Variants in AFF4 observed in about 807,000 individuals in gnomAD.
AFF4 encodes ALF transcription elongation factor 4.
AFF4 carries 13 observed loss-of-function variants against 124.8 expected under a neutral mutation model. The observed-to-expected ratio is 0.10, with a 90% CI of 0.07 to 0.17. The LOEUF is 0.17. AFF4 is among the 10% of genes least tolerant of loss of function. AFF4 has a pLI of 1.00. For missense variants in AFF4, 1,092 were observed against 1,403.8 expected (o/e 0.78, Z 3.55); for synonymous variants, 477 against 496.1 (o/e 0.96, Z 0.51).
intron 5 of AFF4, among the ~76,000 whole-genome samples, chr5:132,911,998 A>C (rs1035151529): frequency 6.6e-6 from 1 of 151,952 alleles, no homozygotes; most frequent in Non-Finnish European, 1.5e-5. Flanking sequence ...ATAAAAATGG[A>C]AAGGCAAAAT....
chr5:132,957,011 C>G (rs1761975595), intron 1 of AFF4, among the ~76,000 whole-genome samples: 1 of 90,574 alleles, frequency 1.1e-5, no homozygotes, highest in Admixed American at 1.8e-4. Flanking sequence ...CAGTGTGAGA[C>G]TTCGTCTCAA....
intron 5 of AFF4, among the ~76,000 whole-genome samples, chr5:132,925,553 A>G (rs1392433340): frequency 2.0e-5 from 3 of 152,200 alleles, no homozygotes; most frequent in African/African-American, 7.2e-5. Flanking sequence ...CAATTCAAAC[A>G]AAACAACACA....
chr5:132,904,351 G>A lies in AFF4; in HGVS notation c.1087+17C>T, dbSNP rs753080297. On this transcript the variant is annotated intron_variant, in intron 6 of 20. Transcript: ENST00000265343. ...AAATAGCTTAATTTGAAAACAAAGAGGGAAAGAAATACTCACTTTGTTCTC... is the reference window on the plus strand; with the variant it reads ...AAATAGCTTAATTTGAAAACAAAGAAGGAAAGAAATACTCACTTTGTTCTC... The A allele has an allele frequency of 6.2e-7, 1 of 1,607,246 alleles. No individual in the cohort carries two copies. The highest frequency in any genetic ancestry group is 2.2e-5 in the East Asian group (1 of 44,732).
chr5:132,887,921 C>T lies in AFF4; in HGVS notation c.2858G>A (p.Gly953Glu). The change falls in exon 16 of 21, where the codon GGG (glycine) becomes GAG (glutamate). Residue 953 changes from glycine (G) to glutamate (E), a missense_variant. Around this residue, in one of 11 missense-constraint regions of AFF4, gnomAD observed 173 missense variants for 294.9 expected, o/e 0.59. Transcript: ENST00000265343. The part of the protein sequence containing the change: ...LDAVVSFIEC[G>E]NALEKNAQES... ...CTGAGCATTCTTCTCTAATGCATTC[C>T]CACATTCAATGAAAGATACCACAGC... is the stretch of plus-strand genomic sequence containing the variant. 1 of 1,613,742 alleles carries T rather than the reference C, an allele frequency of 6.2e-7. No individual in the cohort carries two copies. The highest frequency in any genetic ancestry group is 8.5e-7 in the Non-Finnish European group (1 of 1,179,936).
intron 5 of AFF4, among the ~76,000 whole-genome samples, chr5:132,916,832 C>T (rs1264852764): frequency 6.6e-6 from 1 of 151,980 alleles, no homozygotes; most frequent in Non-Finnish European, 1.5e-5. Context: ...TCAAATTCAG[C>T]ACTATAAAAA....
At chr5:132,908,537 T>C (rs1174240080) in intron 5 of AFF4, among the ~76,000 whole-genome samples, 1 of 151,868 alleles carries the variant, frequency 6.6e-6, no homozygotes, top group Non-Finnish European at 1.5e-5. Context: ...AAAAATAAAT[T>C]AGAAGGATGC....
intron 5 of AFF4, among the ~76,000 whole-genome samples, chr5:132,919,617 A>C (rs537104007): frequency 6.6e-4 from 101 of 152,348 alleles, no homozygotes; most frequent in African/African-American, 2.1e-3. Context: ...TGGGAGGCCA[A>C]GGCAGGTGGA....
At chr5:132,892,964 G>C in intron 12 of AFF4, 66 bp downstream of exon 12, 1 of 1,448,202 alleles carries the variant, frequency 6.9e-7, no homozygotes, top group Non-Finnish European at 9.7e-7. Flanking sequence ...ATGTCAGAAA[G>C]TACCCACTAT....
intron 1 of AFF4, 24 bp from the exon 2 acceptor site, chr5:132,937,217 G>T (rs779527553): frequency 5.9e-5 from 94 of 1,581,724 alleles, no homozygotes; most frequent in Middle Eastern, 1.7e-4. Flanking sequence ...CACAATCTTT[G>T]TATCACAGAA....
At chr5:132,958,465 CAAAAAAAAAAA>C (rs34337170) in intron 1 of AFF4, among the ~76,000 whole-genome samples, 1 of 55,710 alleles carries the variant, frequency 1.8e-5, no homozygotes, top group African/African-American at 8.5e-5. Context: ...GACCCTGTCT[CAAAAAAAAAAA>C]AAAAAAAAAA....
intron 1 of AFF4, among the ~76,000 whole-genome samples, chr5:132,948,196 A>G (rs1581332537): frequency 6.6e-6 from 1 of 151,808 alleles, no homozygotes; most frequent in Non-Finnish European, 1.5e-5. Context: ...GACTACAGGC[A>G]CCCGCCAACA....
intron 1 of AFF4, among the ~76,000 whole-genome samples, chr5:132,938,890 C>T (rs1405868610): frequency 1.6e-5 from 2 of 124,380 alleles, no homozygotes; most frequent in Admixed American, 2.2e-4. Flanking sequence ...TTGCAGTGAG[C>T]TGAGATGGCA....
In AFF4 at chr5:132,880,547, A is replaced by C. The variant is rs1247564285; in HGVS notation, c.*512T>G. The C allele has an allele frequency of 2.6e-5, 10 of 391,474 alleles. No individual in the cohort carries two copies. Among genetic ancestry groups the C allele is most frequent in the Non-Finnish European group, 4.1e-5 (9 of 221,794 alleles). The allele number at this position is 391,474 out of a possible 1,614,324, so 24.3% of individuals were successfully genotyped here. A position where few individuals can be genotyped will look rare whatever the true frequency, so the allele number is the denominator to read the frequency against. ...AAATATCAGGTCAGGTAGCAGGTGT[A>C]GAAAGAATATGTCCTTATTTTAGAC... On this transcript the variant is annotated 3_prime_UTR_variant, in exon 21 of 21. Coordinates refer to ENST00000265343, the MANE Select transcript of AFF4 (RefSeq NM_014423.4).
intron 4 of AFF4, among the ~76,000 whole-genome samples, chr5:132,929,841 A>G (rs73788232): frequency 0.016 from 2,376 of 152,336 alleles, 69 homozygotes; most frequent in African/African-American, 0.055. Flanking sequence ...AGAATCAGGT[A>G]GCAATGCAAA....
chr5:132,883,526 T>G lies in AFF4; in HGVS notation c.3178A>C (p.Lys1060Gln), dbSNP rs1331954655. ...AVGMPSPVSP[K>Q]LSPGNSGNYS... ...TTTCCTGAATTGCCTGGTGACAGCTTTGGAGAAACAGGGGAAGGCATCCCC... is the reference window on the plus strand; with the variant it reads ...TTTCCTGAATTGCCTGGTGACAGCTGTGGAGAAACAGGGGAAGGCATCCCC... The change falls in exon 20 of 21, where the codon AAG becomes CAG. Residue 1060 changes from lysine (K) to glutamine (Q), a missense_variant. By Grantham distance (53) the Lys-to-Gln change is moderately conservative. Transcript: ENST00000265343. The G allele has an allele frequency of 6.2e-7, 1 of 1,613,896 alleles. No individual in the cohort carries two copies.
intron 1 of AFF4, among the ~76,000 whole-genome samples, chr5:132,962,942 G>A (rs1367756853): frequency 6.6e-6 from 1 of 151,912 alleles, no homozygotes; most frequent in East Asian, 1.9e-4. Context: ...TTGAAATTGA[G>A]GAGGATATGA....
chr5:132,956,992 C>T (rs1761974855), intron 1 of AFF4, among the ~76,000 whole-genome samples: 1 of 131,508 alleles, frequency 7.6e-6, no homozygotes, highest in Non-Finnish European at 1.6e-5. Context: ...TGCACTCCAG[C>T]CTGGGTGACA....
Position 132,881,065 on chromosome 5 carries a change from T to TA in AFF4, c.3485dup (p.Ser1163IlefsTer4). The TA allele has an allele frequency of 6.2e-7, 1 of 1,613,302 alleles. No individual in the cohort carries two copies. Among genetic ancestry groups the TA allele is most frequent in the South Asian group, 1.1e-5 (1 of 90,870 alleles). On this transcript the variant is annotated frameshift_variant, in exon 21 of 21. Coordinates refer to ENST00000265343, the MANE Select transcript of AFF4 (RefSeq NM_014423.4). LOFTEE classifies it high-confidence loss of function. ...CAACGAGAATGTGTTCAGTTCAAGATATCAACTTGGCATCCTGGCGAAGCC... is the reference window on the plus strand; with the variant it reads ...CAACGAGAATGTGTTCAGTTCAAGATAATCAACTTGGCATCCTGGCGAAGCC...
chr5:132,911,845 G>A lies in AFF4; in HGVS notation c.1051-7441C>T, dbSNP rs528311932. On this transcript the variant is annotated intron_variant, in intron 5 of 20. Transcript: ENST00000265343. The stretch of plus-strand genomic sequence containing the variant: ...ATGATTAAAAAAAAACTTAAAGACC[G>A]CCAAAAAAAAAAAAGGACATTTTAC... 5.2e-3 allele frequency among the ~76,000 whole-genome samples: 731 copies of A among 141,396 alleles called. 9 individuals carry two copies. The highest frequency in any genetic ancestry group is 8.8e-3 in the Non-Finnish European group (571 of 64,908). The allele number at this position is 141,396 out of a possible 152,430, so 92.8% of individuals were successfully genotyped here.
Sources: gnomAD v4.1 joint callset for allele counts (sites outside exome capture counted in the v4.1 genomes callset) on GRCh38, gnomAD v4.1.1 for gene constraint, gnomAD v4.1.1 regional missense constraint, MANE v1.5 for transcripts, NCBI Gene and HGNC (gene_info 2026-07-23, HGNC 2026-07-21) for gene names.